Variants in EMP1 observed in about 807,000 individuals in gnomAD.
EMP1 encodes the protein tumor-associated membrane protein.
Under a neutral mutation model 15.7 loss-of-function variants are expected in EMP1, and 5 were observed. That is an observed-to-expected ratio of 0.32 (90% confidence interval 0.17 to 0.67). The LOEUF (loss-of-function observed/expected upper bound fraction) is 0.67. Among genes scored for constraint, EMP1 ranks in the 30% least tolerant of loss-of-function variants. The probability of loss-of-function intolerance (pLI) is 0.74; values close to 1 mark genes in which losing one functional copy is unlikely to be tolerated. For synonymous variants in EMP1, 78 were observed against 76.7 expected (o/e 1.02, Z -0.09); for missense variants, 166 against 194.2 (o/e 0.85, Z 0.86).
At chr12:13,209,623 C>A (rs892016277) in intron 1 of EMP1, 1 of 152,148 alleles carries the variant, frequency 6.6e-6, no homozygotes, top group African/African-American at 2.4e-5. Context: ...TTTACATAAA[C>A]AATCTGAATT....
rs1864185308 is a variant in EMP1 at position 13,213,557 on chromosome 12, C to T, written c.157C>T (p.Leu53=). The T allele has an allele frequency of 2.5e-6, 4 of 1,614,038 alleles. No homozygotes were observed. The highest frequency in any genetic ancestry group is 3.4e-6 in the Non-Finnish European group (4 of 1,180,016). The change falls in exon 3 of 5, where the codon CTG becomes TTG. Residue 53 remains leucine, a synonymous_variant. Coordinates refer to ENST00000256951, the MANE Select transcript of EMP1 (RefSeq NM_001423.3). ...NCTNISCSDS[L]SYASEDALKT... is the part of the protein sequence containing the mutation. ...TACCAACATTAGCTGCAGTGACAGC[C>T]TGTCATATGCCAGTGAAGGTATATA...
intron 1 of EMP1, among the ~76,000 whole-genome samples, chr12:13,210,137 G>T (rs571038125): frequency 3.8e-4 from 58 of 152,332 alleles, no homozygotes; most frequent in African/African-American, 1.3e-3. Context: ...CATGTGAAGT[G>T]TTGGAATTAT....
At chr12:13,212,369 G>A (rs1864172788) in intron 2 of EMP1, among the ~76,000 whole-genome samples, 1 of 152,156 alleles carries the variant, frequency 6.6e-6, no homozygotes, top group Admixed American at 6.5e-5. Flanking sequence ...TCACTAGGCA[G>A]GCAAACCATG....
intron 1 of EMP1, among the ~76,000 whole-genome samples, chr12:13,197,244 A>G (rs1309179626): frequency 6.6e-6 from 1 of 152,110 alleles, no homozygotes; most frequent in Non-Finnish European, 1.5e-5. Flanking sequence ...TGACATCGGG[A>G]ACTGGCCAGA....
chr12:13,198,816 A>G (rs2121140304), intron 1 of EMP1, among the ~76,000 whole-genome samples: 1 of 152,336 alleles, frequency 6.6e-6, no homozygotes, highest in African/African-American at 2.4e-5. Context: ...GAGTTTGAAG[A>G]CAATTTAGAA....
intron 1 of EMP1, among the ~76,000 whole-genome samples, chr12:13,208,840 T>C (rs1042199269): frequency 6.6e-5 from 10 of 152,256 alleles, no homozygotes; most frequent in African/African-American, 7.2e-5. Context: ...TATGGTCAGG[T>C]GGATCCAGGG....
At position 13,216,434 on chromosome 12, in the gene EMP1, CTG is replaced by C; in HGVS notation, c.*1746_*1747del. 1 of 702,506 alleles carries C rather than the reference CTG, an allele frequency of 1.4e-6. No homozygotes were observed. The highest frequency in any genetic ancestry group is 2.6e-6 in the Non-Finnish European group (1 of 384,748). 43.5% of individuals were successfully genotyped at this position (702,506 alleles called of 1,614,324 possible). On this transcript the variant is annotated 3_prime_UTR_variant, in exon 5 of 5. Transcript: ENST00000256951. Reference sequence around the variant, plus strand: ...GGTTAGAGAGATTGGCCAGCAAAAACTGTGGGAAGATGAACTTTGTCATTATG... The same window carrying C: ...GGTTAGAGAGATTGGCCAGCAAAAACTGGGAAGATGAACTTTGTCATTATG...
intron 1 of EMP1, among the ~76,000 whole-genome samples, chr12:13,200,846 T>C (rs1404775181): frequency 6.6e-6 from 1 of 152,226 alleles, no homozygotes; most frequent in African/African-American, 2.4e-5. Flanking sequence ...AATCCTCTGC[T>C]GTTGGTGCGC....
chr12:13,219,895 A>G lies in EMP1; in HGVS notation c.*5204A>G, dbSNP rs1454180503. ...TGATATGGGCTAAAAAGACTTCTGTAATCTAGCTTGGAAACTTAATAATCA... is the reference window on the plus strand; with the variant it reads ...TGATATGGGCTAAAAAGACTTCTGTGATCTAGCTTGGAAACTTAATAATCA... On this transcript the variant is annotated 3_prime_UTR_variant, in exon 5 of 5. Transcript: ENST00000256951. 2.0e-5 allele frequency: 3 copies of G among 152,220 alleles called. No individual in the cohort carries two copies. The highest frequency in any genetic ancestry group is 3.8e-4 in the East Asian group (2 of 5,204). The allele number at this position is 152,220 out of a possible 1,614,324, so 9.4% of individuals were successfully genotyped here.
chr12:13,216,703 C>CAATT lies in EMP1; in HGVS notation c.*2012_*2013insAATT. On this transcript the variant is annotated 3_prime_UTR_variant, in exon 5 of 5. Transcript: ENST00000256951. ...CTTCGTTAATAGATTATTTCATATA[C>CAATT]TATAATTGTAAATATTTTGATACAA... is the stretch of plus-strand genomic sequence containing the variant. The CAATT allele has an allele frequency of 4.9e-6, 2 of 410,592 alleles. No homozygotes were observed. Among genetic ancestry groups the CAATT allele is most frequent in the Non-Finnish European group, 8.6e-6 (2 of 233,094 alleles). The allele number at this position is 410,592 out of a possible 1,614,324, so 25.4% of individuals were successfully genotyped here. A position where few individuals can be genotyped will look rare whatever the true frequency, so the allele number is the denominator to read the frequency against.
intron 1 of EMP1, among the ~76,000 whole-genome samples, chr12:13,198,006 T>C (rs1864029660): frequency 6.6e-6 from 1 of 152,176 alleles, no homozygotes; most frequent in African/African-American, 2.4e-5. Flanking sequence ...CATCTGTGCC[T>C]GTTAAAAATT....
At position 13,213,596 on chromosome 12, in the gene EMP1, C is replaced by A. The variant is rs575881715; in HGVS notation, c.175+21C>A. 71 of 1,613,992 alleles carry A rather than the reference C, an allele frequency of 4.4e-5. No individual in the cohort carries two copies. In the South Asian group the frequency reaches 7.7e-4, roughly 17 times the overall value. Reference sequence around the variant, plus strand: ...TGAAGGTATATATAAAGATATTGACCCAGTGCTGACAATAGGTGTGGTCAG... The same window carrying A: ...TGAAGGTATATATAAAGATATTGACACAGTGCTGACAATAGGTGTGGTCAG... On this transcript the variant is annotated intron_variant, in intron 3 of 4. Coordinates refer to ENST00000256951, the MANE Select transcript of EMP1 (RefSeq NM_001423.3).
At position 13,216,745 on chromosome 12, in the gene EMP1, G is replaced by A; in HGVS notation, c.*2054G>A. Reference sequence around the variant, plus strand: ...TTGATACAAATGTTTATAACTCTAGGGATATAAAAACAGATTCTGATTCCC... The same window carrying A: ...TTGATACAAATGTTTATAACTCTAGAGATATAAAAACAGATTCTGATTCCC... On this transcript the variant is annotated 3_prime_UTR_variant, in exon 5 of 5. Transcript: ENST00000256951. 3.3e-6 allele frequency: 1 copy of A among 301,376 alleles called. No homozygotes were observed. Among genetic ancestry groups the A allele is most frequent in the Non-Finnish European group, 6.0e-6 (1 of 165,640 alleles). 18.7% of individuals were successfully genotyped at this position (301,376 alleles called of 1,614,324 possible). A position where few individuals can be genotyped will look rare whatever the true frequency, so the allele number is the denominator to read the frequency against.
rs535905121 is a variant in EMP1, at chr12:13,216,681, C to T, written c.*1990C>T. The T allele has an allele frequency of 3.4e-4, 160 of 472,268 alleles. 1 individual carries two copies. The highest frequency in any genetic ancestry group is 2.3e-4 in the Admixed American group (6 of 25,812). The allele number at this position is 472,268 out of a possible 1,614,324, so 29.3% of individuals were successfully genotyped here. ...GTTCTAGTACTGTATTGGGCTTCTT[C>T]GTTAATAGATTATTTCATATACTAT... On this transcript the variant is annotated 3_prime_UTR_variant, in exon 5 of 5. Coordinates refer to ENST00000256951, the MANE Select transcript of EMP1 (RefSeq NM_001423.3).
At position 13,216,686 on chromosome 12, in the gene EMP1, A is replaced by T; in HGVS notation, c.*1995A>T. The stretch of plus-strand genomic sequence containing the variant: ...AGTACTGTATTGGGCTTCTTCGTTA[A>T]TAGATTATTTCATATACTATAATTG... On this transcript the variant is annotated 3_prime_UTR_variant, in exon 5 of 5. Transcript: ENST00000256951. 1 of 474,224 alleles carries T rather than the reference A, an allele frequency of 2.1e-6. No homozygotes were observed. Among genetic ancestry groups the T allele is most frequent in the Non-Finnish European group, 3.7e-6 (1 of 271,040 alleles). The allele number at this position is 474,224 out of a possible 1,614,324, so 29.4% of individuals were successfully genotyped here. A position where few individuals can be genotyped will look rare whatever the true frequency, so the allele number is the denominator to read the frequency against.
At chr12:13,205,853 G>T (rs971056643) in intron 1 of EMP1, among the ~76,000 whole-genome samples, 1 of 152,232 alleles carries the variant, frequency 6.6e-6, no homozygotes, top group African/African-American at 2.4e-5. Context: ...GAATACAAAA[G>T]CAGAGCTTTT....
rs1864162187 is a variant in EMP1 at position 13,211,257 on chromosome 12, G to T, written c.-42-212G>T. 6.6e-6 allele frequency among the ~76,000 whole-genome samples: 1 copy of T among 152,194 alleles called. No homozygotes were observed. Among genetic ancestry groups the T allele is most frequent in the South Asian group, 2.1e-4 (1 of 4,832 alleles). On this transcript the variant is annotated intron_variant, in intron 1 of 4. Transcript: ENST00000256951. The surrounding 1 kb of genome is among the most constrained non-coding windows in gnomAD (Gnocchi z 4.7). ...AATACCCAAGAAGAAACCAAATTCTGTTTCCATGTAGGTATGTATAACTGG... is the reference window on the plus strand; with the variant it reads ...AATACCCAAGAAGAAACCAAATTCTTTTTCCATGTAGGTATGTATAACTGG...
At chr12:13,197,515 C>T (rs982053290) in intron 1 of EMP1, among the ~76,000 whole-genome samples, 4 of 152,064 alleles carry the variant, frequency 2.6e-5, no homozygotes, top group Non-Finnish European at 5.9e-5. Context: ...GTGGCTCATG[C>T]CTGTAATCCT....
chr12:13,216,513 T>G lies in EMP1; in HGVS notation c.*1822T>G. 1.4e-6 allele frequency: 1 copy of G among 699,628 alleles called. No homozygotes were observed. The highest frequency in any genetic ancestry group is 2.6e-6 in the Non-Finnish European group (1 of 383,352). The allele number at this position is 699,628 out of a possible 1,614,324, so 43.3% of individuals were successfully genotyped here. Reference sequence around the variant, plus strand: ...GCTGTCTTAGTGCAAAAAACATACTTACATTTCAGACATATCCAAAGGGAA... The same window carrying G: ...GCTGTCTTAGTGCAAAAAACATACTGACATTTCAGACATATCCAAAGGGAA... On this transcript the variant is annotated 3_prime_UTR_variant, in exon 5 of 5. Coordinates refer to ENST00000256951, the MANE Select transcript of EMP1 (RefSeq NM_001423.3).
Sources: gnomAD v4.1 joint callset for allele counts (sites outside exome capture counted in the v4.1 genomes callset) on GRCh38, gnomAD v4.1.1 for gene constraint, Gnocchi (gnomAD v3.1) non-coding constraint, MANE v1.5 for transcripts, NCBI Gene and HGNC (gene_info 2026-07-23, HGNC 2026-07-21) for gene names.